The following PCGF5 variants were observed in gnomAD, a reference collection of about 807,000 sequenced individuals.
PCGF5 encodes polycomb group RING finger protein 5.
Under a neutral mutation model 44.3 loss-of-function variants are expected in PCGF5, and 9 were observed. The observed-to-expected ratio is 0.20, with a 90% confidence interval of 0.12 to 0.35. The LOEUF is 0.35. PCGF5 is among the 10% of genes least tolerant of loss of function. The probability of loss-of-function intolerance (pLI) is 1.00; values close to 1 mark genes in which losing one functional copy is unlikely to be tolerated. For synonymous variants in PCGF5, 95 were observed against 102.5 expected (o/e 0.93, Z 0.44); for missense variants, 146 against 305.3 (o/e 0.48, Z 3.89).
intron 9 of PCGF5, among the ~76,000 whole-genome samples, chr10:91,277,234 G>T (rs1051944481): frequency 8.5e-5 from 13 of 152,146 alleles, no homozygotes; most frequent in African/African-American, 3.1e-4. Flanking sequence ...GCACTGAAAT[G>T]GTCATTTTCA....
intron 2 of PCGF5, among the ~76,000 whole-genome samples, chr10:91,225,882 A>C (rs1461762098): frequency 1.3e-5 from 2 of 151,930 alleles, no homozygotes; most frequent in African/African-American, 4.8e-5. Flanking sequence ...CTGGGTTTCA[A>C]CTCTTCTACA....
At chr10:91,242,958 G>A (rs978671878) in intron 3 of PCGF5, among the ~76,000 whole-genome samples, 9 of 151,842 alleles carry the variant, frequency 5.9e-5, no homozygotes, top group Non-Finnish European at 1.0e-4. Context: ...AAATTCCACC[G>A]AAATTACCAC....
chr10:91,261,435 TA>T lies in PCGF5; in HGVS notation c.573+13del. The T allele has an allele frequency of 1.4e-6, 2 of 1,439,168 alleles. No individual in the cohort carries two copies. Among genetic ancestry groups the T allele is most frequent in the Non-Finnish European group, 1.9e-6 (2 of 1,078,520 alleles). 89.1% of individuals were successfully genotyped at this position (1,439,168 alleles called of 1,614,324 possible). ...CCAAGTTCTTATGAGGTAAGTTAAA[TA>T]ATATCTAAGCTTGATCATTTTGATA... On this transcript the variant is annotated intron_variant, in intron 7 of 9. Coordinates refer to ENST00000336126, the MANE Select transcript of PCGF5 (RefSeq NM_032373.5).
At chr10:91,159,592 G>A (rs1275494272), upstream of PCGF5, among the ~76,000 whole-genome samples, 1 of 152,218 alleles carries the variant, frequency 6.6e-6, no homozygotes, top group Non-Finnish European at 1.5e-5. Flanking sequence ...CATACTTCCA[G>A]CCTCCAGAAC....
intron 1 of PCGF5, among the ~76,000 whole-genome samples, chr10:91,166,660 C>T (rs1487182087): frequency 6.6e-6 from 1 of 152,164 alleles, no homozygotes; most frequent in East Asian, 1.9e-4. Context: ...GCCTCTGTCA[C>T]AGCATCCAAT....
At chr10:91,201,696 C>A (rs1206134110) in intron 1 of PCGF5, among the ~76,000 whole-genome samples, 1 of 149,772 alleles carries the variant, frequency 6.7e-6, no homozygotes, top group African/African-American at 2.5e-5. Context: ...CTCATTTGTT[C>A]TGTATTGAGT....
intron 8 of PCGF5, among the ~76,000 whole-genome samples, chr10:91,264,954 A>T (rs959531414): frequency 1.3e-5 from 2 of 152,104 alleles, no homozygotes; most frequent in Non-Finnish European, 2.9e-5. Context: ...ATCTTCTTTC[A>T]GGTACCTCCT....
chr10:91,173,578 C>CTTTTTTTTTTTTTTTTTTTT lies in PCGF5; in HGVS notation c.-184+10514_-184+10515insTTTTTTTTTTTTTTTTTTTT, dbSNP rs59254639. Among the ~76,000 whole-genome samples the CTTTTTTTTTTTTTTTTTTTT allele has an allele frequency of 5.2e-4, 60 of 115,614 alleles. 3 individuals carry two copies. Among genetic ancestry groups the CTTTTTTTTTTTTTTTTTTTT allele is most frequent in the African/African-American group, 2.0e-3 (58 of 29,292 alleles). 75.8% of individuals were successfully genotyped at this position (115,614 alleles called of 152,430 possible). On this transcript the variant is annotated intron_variant, in intron 1 of 9. Transcript: ENST00000614189. ...TTATTCTTCTGCTAGAGGGAGTTGG[C>CTTTTTTTTTTTTTTTTTTTT]TTTTTTTTTTTTTTTTTCCCACAGA...
intron 6 of PCGF5, among the ~76,000 whole-genome samples, chr10:91,252,212 ATTGT>A (rs1845638060): frequency 6.6e-6 from 1 of 151,942 alleles, no homozygotes; most frequent in Non-Finnish European, 1.5e-5. Context: ...CACTGAGAAT[ATTGT>A]TTATCTCTCT....
At chr10:91,261,534 TTGATTA>T in intron 7 of PCGF5, 110 bp downstream of exon 7, 2 of 1,230,772 alleles carry the variant, frequency 1.6e-6, no homozygotes, top group Non-Finnish European at 2.1e-6. Context: ...TGTGGAAACT[TTGATTA>T]TTTTTGTGTT....
chr10:91,218,695 C>T (rs1365675635), upstream of PCGF5, among the ~76,000 whole-genome samples: 1 of 151,944 alleles, frequency 6.6e-6, no homozygotes, highest in Non-Finnish European at 1.5e-5. Flanking sequence ...TGCAGTGGTG[C>T]GATCTCGGCT....
chr10:91,248,657 T>C lies in PCGF5; in HGVS notation c.266-8T>C. ...ACTTTTACTTTTATACTCTTTCTTT[T>C]AAATTAGAAGAACTTGAGCGTGAAT... On this transcript the variant is annotated splice_polypyrimidine_tract_variant and splice_region_variant and intron_variant, in intron 4 of 9. Transcript: ENST00000336126. The C allele has an allele frequency of 1.2e-6, 2 of 1,605,188 alleles. No homozygotes were observed. The highest frequency in any genetic ancestry group is 1.1e-5 in the South Asian group (1 of 90,132).
intron 1 of PCGF5, among the ~76,000 whole-genome samples, chr10:91,178,746 G>T: frequency 7.0e-6 from 1 of 143,706 alleles, no homozygotes. Flanking sequence ...AATTTTCATG[G>T]GTTACTTTGA....
intron 7 of PCGF5, among the ~76,000 whole-genome samples, chr10:91,263,536 C>T (rs1845974854): frequency 6.6e-6 from 1 of 152,126 alleles, no homozygotes; most frequent in African/African-American, 2.4e-5. Context: ...TCTTCCCCTC[C>T]CACACTTCAA....
At chr10:91,270,451 C>T (rs7084314) in intron 8 of PCGF5, among the ~76,000 whole-genome samples, 19,807 of 151,390 alleles carry the variant, frequency 0.13, 2,426 homozygotes, top group African/African-American at 0.32. Context: ...GTTTAGAATT[C>T]TCAATGTTAT....
intron 6 of PCGF5, among the ~76,000 whole-genome samples, chr10:91,255,561 C>T (rs1375543401): frequency 6.6e-6 from 1 of 152,034 alleles, no homozygotes; most frequent in Non-Finnish European, 1.5e-5. Context: ...AACTTAATGG[C>T]TCCAGATGTG....
chr10:91,261,249 G>A (rs1845901430), intron 6 of PCGF5, 77 bp from the exon 7 acceptor site: 2 of 1,359,218 alleles, frequency 1.5e-6, no homozygotes, highest in Admixed American at 6.1e-5. Flanking sequence ...GAAACTGGTA[G>A]CTATGGTTTC....
At chr10:91,197,267 G>A (rs1052928815) in intron 1 of PCGF5, among the ~76,000 whole-genome samples, 1 of 152,176 alleles carries the variant, frequency 6.6e-6, no homozygotes, top group African/African-American at 2.4e-5. Flanking sequence ...GAAGGCTCGC[G>A]AGCTGACTGT....
chr10:91,272,285 G>T (rs529919924), intron 9 of PCGF5, among the ~76,000 whole-genome samples: 1 of 152,282 alleles, frequency 6.6e-6, no homozygotes, highest in African/African-American at 2.4e-5. Context: ...AAAGATTATT[G>T]TTGGGTACAG....
Sources: gnomAD v4.1 joint callset for allele counts (sites outside exome capture counted in the v4.1 genomes callset) on GRCh38, gnomAD v4.1.1 for gene constraint, MANE v1.5 for transcripts, NCBI Gene and HGNC (gene_info 2026-07-23, HGNC 2026-07-21) for gene names.